Variants in NAV3 observed in about 807,000 individuals in gnomAD.
NAV3 encodes the protein pore membrane and/or filament interacting like protein 1.
In NAV3, 87 loss-of-function variants were observed where a neutral mutation model predicts 244.7. That is an observed-to-expected ratio of 0.36 (90% CI 0.30 to 0.42). NAV3 has a LOEUF of 0.42. Among genes scored for constraint, NAV3 ranks in the 20% least tolerant of loss-of-function variants. NAV3 has a pLI of 1.00. For synonymous variants in NAV3, 1,126 were observed against 1,042.2 expected (o/e 1.08, Z -1.55); for missense variants, 2,663 against 2,893.3 (o/e 0.92, Z 1.83).
chr12:78,012,547 G>T (rs548154752), intron 8 of NAV3, among the ~76,000 whole-genome samples: 1 of 151,954 alleles, frequency 6.6e-6, no homozygotes, highest in Non-Finnish European at 1.5e-5. Flanking sequence ...CCCCCAGCAC[G>T]TTGTATCTCA....
At chr12:78,096,607 G>A (rs945206920) in intron 12 of NAV3, among the ~76,000 whole-genome samples, 1 of 152,082 alleles carries the variant, frequency 6.6e-6, no homozygotes, top group Admixed American at 6.6e-5. Flanking sequence ...GCATGTGCAG[G>A]GGAACTGCTC....
intron 2 of NAV3, among the ~76,000 whole-genome samples, chr12:77,693,616 T>C (rs1565774941): frequency 6.6e-6 from 1 of 152,100 alleles, no homozygotes; most frequent in African/African-American, 2.4e-5. Flanking sequence ...TGTGGTGAAA[T>C]CTTGGGGCTA....
At chr12:77,979,710 AAG>A in intron 5 of NAV3, among the ~76,000 whole-genome samples, 6 of 129,098 alleles carry the variant, frequency 4.6e-5, no homozygotes, top group African/African-American at 1.3e-4. Context: ...AAAAAAAAAA[AAG>A]AAAAAAAAAA....
At chr12:77,960,853 T>C (rs1891846208) in intron 3 of NAV3, among the ~76,000 whole-genome samples, 1 of 94,072 alleles carries the variant, frequency 1.1e-5, no homozygotes, top group African/African-American at 4.2e-5. Context: ...CACATATGTA[T>C]ATATTACACA....
intron 9 of NAV3, among the ~76,000 whole-genome samples, chr12:78,046,249 A>C (rs890931374): frequency 6.6e-6 from 1 of 151,940 alleles, no homozygotes; most frequent in Non-Finnish European, 1.5e-5. Context: ...CTCTGATCTT[A>C]GTTATTTCTT....
At chr12:77,916,256 T>C (rs1478234515) in intron 1 of NAV3, among the ~76,000 whole-genome samples, 1 of 152,080 alleles carries the variant, frequency 6.6e-6, no homozygotes, top group Non-Finnish European at 1.5e-5. Context: ...GAACTATTTA[T>C]TATTTGAAAG....
intron 12 of NAV3, 146 bp from the exon 13 acceptor site, chr12:78,116,626 C>A: frequency 2.3e-6 from 2 of 872,292 alleles, no homozygotes. Flanking sequence ...ATATGATTTT[C>A]CCAAAATGTG....
At chr12:77,771,373 A>C (rs1870075739) in intron 2 of NAV3, among the ~76,000 whole-genome samples, 1 of 152,232 alleles carries the variant, frequency 6.6e-6, no homozygotes, top group Non-Finnish European at 1.5e-5. Context: ...TCAGGGATCT[A>C]GAACTGGAAA....
At chr12:77,868,724 C>T (rs984555080) in intron 1 of NAV3, among the ~76,000 whole-genome samples, 2 of 146,188 alleles carry the variant, frequency 1.4e-5, no homozygotes, top group African/African-American at 5.1e-5. Flanking sequence ...CCACTGCACT[C>T]CAGCCTGGGT....
intron 2 of NAV3, among the ~76,000 whole-genome samples, chr12:77,729,184 G>T (rs1216765279): frequency 3.9e-5 from 6 of 151,906 alleles, no homozygotes; most frequent in Non-Finnish European, 5.9e-5. Flanking sequence ...ACTGTGTAGG[G>T]GGTTGGCACC....
chr12:78,099,236 T>TA (rs1954417232), intron 12 of NAV3, among the ~76,000 whole-genome samples: 2 of 151,476 alleles, frequency 1.3e-5, no homozygotes, highest in African/African-American at 4.8e-5. Flanking sequence ...TAATAGTCCA[T>TA]ATGATATAAT....
intron 5 of NAV3, among the ~76,000 whole-genome samples, chr12:77,985,051 C>T (rs996372841): frequency 4.6e-5 from 7 of 152,084 alleles, no homozygotes; most frequent in Non-Finnish European, 8.8e-5. Context: ...CTCCTGACCT[C>T]GTGATCCAGC....
At chr12:77,762,908 A>G (rs774147491) in intron 2 of NAV3, among the ~76,000 whole-genome samples, 2 of 152,190 alleles carry the variant, frequency 1.3e-5, no homozygotes, top group Non-Finnish European at 2.9e-5. Flanking sequence ...TGGCTCTCTG[A>G]GAGGTTGTTC....
At chr12:77,676,253 C>T (rs190411983) in intron 2 of NAV3, among the ~76,000 whole-genome samples, 1 of 151,982 alleles carries the variant, frequency 6.6e-6, no homozygotes, top group East Asian at 1.9e-4. Context: ...CCTTGCCCCC[C>T]ACCCACCAAC....
intron 23 of NAV3, among the ~76,000 whole-genome samples, chr12:78,160,378 A>G (rs1034482444): frequency 7.5e-6 from 1 of 134,024 alleles, no homozygotes; most frequent in Non-Finnish European, 1.6e-5. Flanking sequence ...AATTCTATGG[A>G]GTGTGTGTGT....
intron 1 of NAV3, among the ~76,000 whole-genome samples, chr12:77,920,184 C>A (rs1473892104): frequency 6.6e-6 from 1 of 151,886 alleles, no homozygotes; most frequent in Non-Finnish European, 1.5e-5. Flanking sequence ...ATAAGAGTAA[C>A]AATAAAACCT....
chr12:78,042,903 C>T (rs1434747243), intron 9 of NAV3, among the ~76,000 whole-genome samples: 2 of 151,850 alleles, frequency 1.3e-5, no homozygotes, highest in African/African-American at 4.8e-5. Context: ...ACCCAGAACA[C>T]CTTGAAATAA....
intron 2 of NAV3, among the ~76,000 whole-genome samples, chr12:77,818,863 G>A (rs1412608385): frequency 6.6e-6 from 1 of 151,950 alleles, no homozygotes; most frequent in African/African-American, 2.4e-5. Context: ...GTATTAATTA[G>A]TATTCCAAGT....
intron 12 of NAV3, among the ~76,000 whole-genome samples, chr12:78,113,240 A>T (rs143064697): frequency 6.6e-6 from 1 of 152,182 alleles, no homozygotes; most frequent in African/African-American, 2.4e-5. Flanking sequence ...CTGTAGGTGG[A>T]TCTACCATTC....
Sources: gnomAD v4.1 joint callset for allele counts (sites outside exome capture counted in the v4.1 genomes callset) on GRCh38, gnomAD v4.1.1 for gene constraint, MANE v1.5 for transcripts, NCBI Gene and HGNC (gene_info 2026-07-23, HGNC 2026-07-21) for gene names.